Variants in HOMER1 observed in about 807,000 individuals in gnomAD.
HOMER1 encodes the protein homer protein homolog 1.
HOMER1 carries 3 observed loss-of-function variants against 48.9 expected under a neutral mutation model. The observed-to-expected ratio is 0.06, with a 90% CI of 0.03 to 0.16. The LOEUF is 0.16. HOMER1 is among the 10% of genes least tolerant of loss of function. The pLI is 1.00. For synonymous variants in HOMER1, 134 were observed against 146.4 expected (o/e 0.92, Z 0.61); for missense variants, 247 against 411.4 (o/e 0.60, Z 3.46).
intron 1 of HOMER1, among the ~76,000 whole-genome samples, chr5:79,466,665 T>A (rs1211699641): frequency 6.6e-6 from 1 of 152,098 alleles, no homozygotes; most frequent in Non-Finnish European, 1.5e-5. Context: ...AAGAAAGTAA[T>A]CTCTTGTTAA....
chr5:79,486,814 A>C (rs1157287208), intron 1 of HOMER1, among the ~76,000 whole-genome samples: 1 of 152,246 alleles, frequency 6.6e-6, no homozygotes, highest in African/African-American at 2.4e-5. Flanking sequence ...GTCAGTTTAC[A>C]AGCAATGGAA....
At chr5:79,428,027 A>G (rs1750319813) in intron 5 of HOMER1, among the ~76,000 whole-genome samples, 1 of 152,204 alleles carries the variant, frequency 6.6e-6, no homozygotes, top group Non-Finnish European at 1.5e-5. Flanking sequence ...TACATAGGAA[A>G]ACTGATACTC....
intron 5 of HOMER1, among the ~76,000 whole-genome samples, chr5:79,413,805 A>T (rs1749870461): frequency 6.6e-6 from 1 of 152,110 alleles, no homozygotes. Flanking sequence ...TGACATCTTC[A>T]ACAGTTTAGG....
chr5:79,449,171 A>G (rs1220245472), intron 3 of HOMER1, among the ~76,000 whole-genome samples: 1 of 152,194 alleles, frequency 6.6e-6, no homozygotes, highest in Non-Finnish European at 1.5e-5. Flanking sequence ...ATAATCCATG[A>G]TTTAGTTCTT....
chr5:79,504,468 A>G (rs1752693605), intron 1 of HOMER1, among the ~76,000 whole-genome samples: 1 of 151,820 alleles, frequency 6.6e-6, no homozygotes, highest in South Asian at 2.1e-4. Flanking sequence ...CTTAAATATT[A>G]TAATAGGTTC....
chr5:79,398,990 A>C (rs1439143850), intron 6 of HOMER1, among the ~76,000 whole-genome samples: 1 of 152,214 alleles, frequency 6.6e-6, no homozygotes, highest in African/African-American at 2.4e-5. Flanking sequence ...CACAAAACCA[A>C]GCATCTGTTC....
chr5:79,510,995 T>C, intron 1 of HOMER1: 1 of 398,982 alleles, frequency 2.5e-6, no homozygotes, highest in African/African-American at 2.0e-5. Context: ...CTGTGCTATT[T>C]GTACAAAGAA....
intron 1 of HOMER1, among the ~76,000 whole-genome samples, chr5:79,491,918 A>G (rs925901805): frequency 5.9e-5 from 9 of 152,220 alleles, no homozygotes; most frequent in African/African-American, 2.2e-4. Context: ...AACTTGCCCA[A>G]GATTATGGAG....
At position 79,397,522 on chromosome 5, in the gene HOMER1, A is replaced by C; in HGVS notation, c.795+5T>G. 2.0e-4 allele frequency: 304 copies of C among 1,510,760 alleles called. No individual in the cohort carries two copies. Among genetic ancestry groups the C allele is most frequent in the Non-Finnish European group, 2.6e-4 (279 of 1,089,482 alleles). The allele number at this position is 1,510,760 out of a possible 1,614,324, so 93.6% of individuals were successfully genotyped here. ...GATTACAGATGAGTAAAAAGCAGCAAATACCTCTTCCTTCAGTTTCAGTGT... is the reference window on the plus strand; with the variant it reads ...GATTACAGATGAGTAAAAAGCAGCACATACCTCTTCCTTCAGTTTCAGTGT... On this transcript the variant is annotated splice_donor_5th_base_variant and intron_variant, in intron 7 of 8. Transcript: ENST00000334082.
intron 6 of HOMER1, among the ~76,000 whole-genome samples, chr5:79,399,423 A>G (rs1749478041): frequency 6.6e-6 from 1 of 152,236 alleles, no homozygotes; most frequent in Admixed American, 6.5e-5. Flanking sequence ...GATGGTGCTC[A>G]ACAGAGATGA....
At chr5:79,492,696 A>C (rs966476071) in intron 1 of HOMER1, among the ~76,000 whole-genome samples, 4 of 152,144 alleles carry the variant, frequency 2.6e-5, no homozygotes, top group Non-Finnish European at 5.9e-5. Context: ...AAAAGCCATC[A>C]AATGTTTAAA....
At chr5:79,502,533 T>C (rs1752625047) in intron 1 of HOMER1, among the ~76,000 whole-genome samples, 2 of 152,202 alleles carry the variant, frequency 1.3e-5, no homozygotes, top group South Asian at 4.1e-4. Context: ...AGCGCTTTTA[T>C]GAGTCTCTTT....
chr5:79,396,922 T>A lies in HOMER1; in HGVS notation c.796-19A>T. The A allele has an allele frequency of 2.2e-6, 3 of 1,369,064 alleles. No individual in the cohort carries two copies. Among genetic ancestry groups the A allele is most frequent in the Non-Finnish European group, 3.1e-6 (3 of 964,202 alleles). 84.8% of individuals were successfully genotyped at this position (1,369,064 alleles called of 1,614,324 possible). A position where few individuals can be genotyped will look rare whatever the true frequency, so the allele number is the denominator to read the frequency against. On this transcript the variant is annotated intron_variant, in intron 7 of 8. Transcript: ENST00000334082. ...CTATTTCCTAGAAAAGACAGAGCAATGTCTTAACATTCAAACTATATCAAG... is the reference window on the plus strand; with the variant it reads ...CTATTTCCTAGAAAAGACAGAGCAAAGTCTTAACATTCAAACTATATCAAG...
Position 79,400,722 on chromosome 5 carries a change from T to TAA in HOMER1, c.684+1175_684+1176dup, listed in dbSNP as rs112333151. On this transcript the variant is annotated intron_variant, in intron 6 of 8. Coordinates refer to ENST00000334082, the MANE Select transcript of HOMER1 (RefSeq NM_004272.5). ...GGTGAAGCACTTCTATGCCTTGAATTAAAAAAAAAAAAACTTCTTCTTTTT... is the reference window on the plus strand; with the variant it reads ...GGTGAAGCACTTCTATGCCTTGAATTAAAAAAAAAAAAAAACTTCTTCTTTTT... 7.5e-3 allele frequency among the ~76,000 whole-genome samples: 924 copies of TAA among 123,226 alleles called. 7 individuals are homozygous for TAA. Among genetic ancestry groups the TAA allele is most frequent in the African/African-American group, 0.026 (821 of 31,028 alleles). 80.8% of individuals were successfully genotyped at this position (123,226 alleles called of 152,430 possible).
chr5:79,465,542 T>TA, intron 1 of HOMER1, among the ~76,000 whole-genome samples: 1 of 147,646 alleles, frequency 6.8e-6, no homozygotes, highest in South Asian at 2.2e-4. Flanking sequence ...TTAAATTATA[T>TA]AAAAATACAC....
At chr5:79,452,447 G>C (rs1335859279) in intron 2 of HOMER1, among the ~76,000 whole-genome samples, 1 of 152,158 alleles carries the variant, frequency 6.6e-6, no homozygotes, top group Non-Finnish European at 1.5e-5. Flanking sequence ...TTTAAGATTA[G>C]AAAGTGATTC....
chr5:79,440,197 A>G (rs1750702734), intron 4 of HOMER1, among the ~76,000 whole-genome samples: 1 of 152,228 alleles, frequency 6.6e-6, no homozygotes, highest in Non-Finnish European at 1.5e-5. Flanking sequence ...GTAGCATATA[A>G]TTTTTAAAAA....
chr5:79,428,042 A>G lies in HOMER1; in HGVS notation c.527+10968T>C, dbSNP rs546527263. On this transcript the variant is annotated intron_variant, in intron 5 of 8. Transcript: ENST00000334082. The stretch of plus-strand genomic sequence containing the variant: ...TACATAGGAAAACTGATACTCAGTG[A>G]AGAGCTCTTAAAAACAGTGATATTT... Among the ~76,000 whole-genome samples the G allele has an allele frequency of 5.3e-5, 8 of 152,318 alleles. No individual in the cohort carries two copies. In the East Asian group the frequency reaches 1.3e-3, roughly 26 times the overall value.
In HOMER1 at chr5:79,450,986, T is replaced by G; in HGVS notation, c.294+4A>C. 6.2e-7 allele frequency: 1 copy of G among 1,611,784 alleles called. No individual in the cohort carries two copies. The highest frequency in any genetic ancestry group is 8.5e-7 in the Non-Finnish European group (1 of 1,178,372). ...TTTCATTCAAATTTTATGATTTAAC[T>G]CACTTTCGAAAGATGATGCTCAGAG... On this transcript the variant is annotated splice_donor_region_variant and intron_variant, in intron 3 of 8. Coordinates refer to ENST00000334082, the MANE Select transcript of HOMER1 (RefSeq NM_004272.5).
Sources: allele counts gnomAD v4.1 joint callset (sites outside exome capture counted in the v4.1 genomes callset), GRCh38; gene constraint gnomAD v4.1.1; transcripts MANE v1.5; gene names NCBI Gene and HGNC (gene_info 2026-07-23, HGNC 2026-07-21).